The following GUF1 variants were observed in gnomAD, a reference collection of about 807,000 sequenced individuals.
The protein encoded by GUF1 is translation factor GUF1, mitochondrial.
A neutral mutation model predicts 82.4 loss-of-function variants in GUF1; 78 were observed. That is an observed-to-expected ratio of 0.95 (90% CI 0.79 to 1.14). GUF1 has a LOEUF of 1.14. Ranked by LOEUF, GUF1 falls within the 50% of genes most tolerant of loss-of-function variation. The pLI, the probability that GUF1 is intolerant of heterozygous loss-of-function variation, is 0.00. For synonymous variants in GUF1, 279 were observed against 282.3 expected, an observed-to-expected ratio of 0.99 and a Z score of 0.12; for missense variants, 814 against 798.2, an observed-to-expected ratio of 1.02 and a Z score of -0.24.
rs142349872 is a variant in GUF1 at position 44,690,813 on chromosome 4, A to G, written c.1432A>G (p.Ile478Val). ...EYLEPVVLGTIITPDEYTGKI... is the reference protein window; with the variant it reads ...EYLEPVVLGTVITPDEYTGKI... Reference sequence around the variant, plus strand: ...TTTGGAGCCAGTTGTTTTGGGCACTATTATCACACCAGATGAATACACTGG... The same window carrying G: ...TTTGGAGCCAGTTGTTTTGGGCACTGTTATCACACCAGATGAATACACTGG... The change falls in exon 12 of 17, where the codon ATT becomes GTT. Residue 478 changes from isoleucine to valine, a missense_variant. Transcript: ENST00000281543. 30 of 1,606,266 alleles carry G rather than the reference A, an allele frequency of 1.9e-5. No homozygotes were observed. The African/African-American group carries it at 2.9e-4, about 16-fold the overall frequency.
chr4:44,680,239 A>G (rs550632212), intron 1 of GUF1, among the ~76,000 whole-genome samples: 1 of 152,304 alleles, frequency 6.6e-6, no homozygotes, highest in East Asian at 1.9e-4. Flanking sequence ...ATTTAGCTGT[A>G]TAGTTACCTT....
In GUF1 at chr4:44,689,961, T is replaced by C. The variant is rs200663719; in HGVS notation, c.1321T>C (p.Ser441Pro). 2.1e-5 allele frequency: 33 copies of C among 1,574,506 alleles called. No homozygotes were observed. In the East Asian group the frequency reaches 7.5e-4, roughly 36 times the overall value. Residue 441 changes from serine (S) to proline (P), a missense_variant, in exon 11 of 17, where the codon TCA (serine) becomes CCA (proline). Physicochemically the swap from Ser to Pro is moderately conservative, Grantham distance 74. Transcript: ENST00000281543. ...TVPYKAVLSS[S>P]KLIKEHREKE... ...TCCATATAAAGCTGTACTGTCATCA[T>C]CAAAATTGATAAAGGTACTTGGTAT...
intron 1 of GUF1, among the ~76,000 whole-genome samples, chr4:44,679,160 C>T (rs771692542): frequency 6.4e-4 from 97 of 152,152 alleles, no homozygotes; most frequent in Non-Finnish European, 1.2e-3. Context: ...AGCTATGTGG[C>T]CTGGGCAAGT....
chr4:44,697,329 G>A, intron 15 of GUF1, 79 bp from the exon 16 acceptor site: 2 of 781,194 alleles, frequency 2.6e-6, no homozygotes, highest in Non-Finnish European at 4.1e-6. Flanking sequence ...CTAGTAAAGG[G>A]GAGATTGTTT....
chr4:44,678,807 T>C lies in GUF1; in HGVS notation c.165+20T>C. 2 of 1,543,220 alleles carry C rather than the reference T, an allele frequency of 1.3e-6. No homozygotes were observed. Among genetic ancestry groups the C allele is most frequent in the Non-Finnish European group, 1.7e-6 (2 of 1,153,588 alleles). ...TTCAAGGTGACTGCCCCCTGGAATC[T>C]GATTTAGCCAAGTTTTCAAACGTTG... is the stretch of plus-strand genomic sequence containing the variant. On this transcript the variant is annotated intron_variant, in intron 1 of 16. Coordinates refer to ENST00000281543, the MANE Select transcript of GUF1 (RefSeq NM_021927.3).
Position 44,698,873 on chromosome 4 carries a change from G to C in GUF1, c.*192G>C. The C allele has an allele frequency of 1.9e-6, 1 of 534,674 alleles. No individual in the cohort carries two copies. Among genetic ancestry groups the C allele is most frequent in the Non-Finnish European group, 3.3e-6 (1 of 303,256 alleles). The allele number at this position is 534,674 out of a possible 1,614,324, so 33.1% of individuals were successfully genotyped here. ...CCATGTTGCCTGTTCTCAAATATCT[G>C]TTCCAACCACTCACTAGTAAGGTGA... On this transcript the variant is annotated 3_prime_UTR_variant, in exon 17 of 17. Coordinates refer to ENST00000281543, the MANE Select transcript of GUF1 (RefSeq NM_021927.3).
chr4:44,683,458 T>C, intron 6 of GUF1, 140 bp downstream of exon 6: 1 of 546,252 alleles, frequency 1.8e-6, no homozygotes, highest in Non-Finnish European at 3.2e-6. Flanking sequence ...ATTATTTCCT[T>C]TGATCCTTAT....
At chr4:44,684,058 T>G (rs1714916726) in intron 6 of GUF1, among the ~76,000 whole-genome samples, 1 of 152,112 alleles carries the variant, frequency 6.6e-6, no homozygotes, top group Admixed American at 6.6e-5. Flanking sequence ...ATATGCCAGC[T>G]AAGAGTATGG....
chr4:44,697,972 C>A (rs576613535), intron 16 of GUF1, among the ~76,000 whole-genome samples: 3 of 152,142 alleles, frequency 2.0e-5, no homozygotes, highest in African/African-American at 7.2e-5. Flanking sequence ...ATGGTGAAAC[C>A]GCAGCTTTAC....
Position 44,689,905 on chromosome 4 carries a change from A to G in GUF1, c.1265A>G (p.Asn422Ser). Residue 422 changes from asparagine (N) to serine (S), a missense_variant, in exon 11 of 17, where the codon AAT becomes AGT. Asn to Ser is a conservative substitution (Grantham distance 46). Transcript: ENST00000281543. ...AACCAGCGACTGGAGCAAGAATATA[A>G]TGCTTCTGTTATTTTAACAACCCCT... ...VFNQRLEQEY[N>S]ASVILTTPTV... 1.2e-6 allele frequency: 2 copies of G among 1,608,988 alleles called. No homozygotes were observed.
intron 5 of GUF1, chr4:44,682,639 A>T: frequency 3.5e-6 from 1 of 288,620 alleles, no homozygotes; most frequent in African/African-American, 2.2e-5. Flanking sequence ...GCTGAGGGCC[A>T]TTTCTGTAGG....
chr4:44,682,311 A>G, intron 4 of GUF1, 23 bp from the exon 5 acceptor site: 1 of 1,387,576 alleles, frequency 7.2e-7, no homozygotes, highest in Non-Finnish European at 9.7e-7. Flanking sequence ...TCATCTCAGT[A>G]TCTTGTATCT....
At chr4:44,684,914 G>C (rs1714963976) in intron 6 of GUF1, among the ~76,000 whole-genome samples, 1 of 152,100 alleles carries the variant, frequency 6.6e-6, no homozygotes, top group South Asian at 2.1e-4. Context: ...CTTTTTTCCA[G>C]TAATGTTAAG....
In GUF1 at chr4:44,680,847, G is replaced by A. The variant is rs1577762356; in HGVS notation, c.426+5G>A. 6.3e-7 allele frequency: 1 copy of A among 1,596,830 alleles called. No homozygotes were observed. The highest frequency in any genetic ancestry group is 8.5e-7 in the Non-Finnish European group (1 of 1,170,532). On this transcript the variant is annotated splice_donor_5th_base_variant and intron_variant, in intron 3 of 16. Transcript: ENST00000281543. ...TTAAATCTCATTGATACACCGGTAA[G>A]TTTAATATTAATTTTGCATGTATTG...
Position 44,688,031 on chromosome 4 carries a change from G to C in GUF1, c.963G>C (p.Leu321=). ...GATATGCAGGACAGGTGGGCTATCT[G>C]ATTGCTGGGATGAAAGATGTCACTG... ...HKLYAGQVGY[L]IAGMKDVTEA... The change falls in exon 9 of 17, where the codon CTG becomes CTC. Residue 321 remains leucine, a synonymous_variant. Coordinates refer to ENST00000281543, the MANE Select transcript of GUF1 (RefSeq NM_021927.3). The C allele has an allele frequency of 1.2e-6, 2 of 1,612,150 alleles. No homozygotes were observed. The highest frequency in any genetic ancestry group is 1.7e-6 in the Non-Finnish European group (2 of 1,178,584).
At chr4:44,687,870 A>G (rs1715158210) in intron 8 of GUF1, 137 bp from the exon 9 acceptor site, 1 of 663,896 alleles carries the variant, frequency 1.5e-6, no homozygotes, top group South Asian at 2.2e-5. Context: ...TTGATAATTG[A>G]TATGTAGCAC....
chr4:44,686,102 T>C (rs1227654621), intron 7 of GUF1, 79 bp downstream of exon 7: 10 of 948,828 alleles, frequency 1.1e-5, no homozygotes, highest in Non-Finnish European at 1.7e-5. Context: ...GTTCAAAGAC[T>C]GTCAGCTTGA....
At position 44,680,874 on chromosome 4, in the gene GUF1, T is replaced by C. The variant is rs903574595; in HGVS notation, c.426+32T>C. The stretch of plus-strand genomic sequence containing the variant: ...TTAATATTAATTTTGCATGTATTGT[T>C]AAAGTCAACATTGTGTCAGTAGTGC... On this transcript the variant is annotated intron_variant, in intron 3 of 16. Coordinates refer to ENST00000281543, the MANE Select transcript of GUF1 (RefSeq NM_021927.3). 5 of 1,552,784 alleles carry C rather than the reference T, an allele frequency of 3.2e-6. No homozygotes were observed. The East Asian group carries it at 9.0e-5, about 28-fold the overall frequency.
chr4:44,698,493 T>G (rs1715987947), intron 16 of GUF1, 51 bp from the exon 17 acceptor site: 1 of 1,419,560 alleles, frequency 7.0e-7, no homozygotes, highest in Admixed American at 2.2e-5. Context: ...ATCATATGAT[T>G]GTTTCTCTTT....
Sources: allele counts gnomAD v4.1 joint callset (sites outside exome capture counted in the v4.1 genomes callset), GRCh38; gene constraint gnomAD v4.1.1; transcripts MANE v1.5; gene names NCBI Gene and HGNC (gene_info 2026-07-23, HGNC 2026-07-21).